The following ANKH variants were observed in gnomAD, a reference collection of about 807,000 sequenced individuals.
ANKH encodes the protein ANKH inorganic pyrophosphate transport regulator, also known as mineralization regulator ANKH.
ANKH carries 15 observed loss-of-function variants against 49.0 expected under a neutral mutation model. That is an observed-to-expected ratio of 0.31 (90% confidence interval 0.20 to 0.47). The LOEUF (loss-of-function observed/expected upper bound fraction) is 0.47. Ranked by LOEUF, ANKH falls within the 20% of genes least tolerant of loss-of-function variation. The pLI is 1.00. For synonymous variants in ANKH, 273 were observed against 260.0 expected (o/e 1.05, Z -0.48); for missense variants, 429 against 652.0 (o/e 0.66, Z 3.72).
chr5:14,832,938 G>C (rs537676098), intron 1 of ANKH, among the ~76,000 whole-genome samples: 1 of 152,298 alleles, frequency 6.6e-6, no homozygotes, highest in Admixed American at 6.5e-5. Context: ...CGACCTTCCC[G>C]TGGACAACTA....
intron 6 of ANKH, among the ~76,000 whole-genome samples, chr5:14,748,334 A>G (rs1484510286): frequency 6.6e-6 from 1 of 152,224 alleles, no homozygotes; most frequent in African/African-American, 2.4e-5. Context: ...GGACATGGAA[A>G]CTGGCAGGCA....
intron 5 of ANKH, 110 bp from the exon 6 acceptor site, chr5:14,749,416 A>G (rs1738642709): frequency 8.1e-7 from 1 of 1,230,930 alleles, no homozygotes; most frequent in Non-Finnish European, 1.2e-6. Flanking sequence ...CCAATTCACT[A>G]TACTTGAAAG....
intron 1 of ANKH, among the ~76,000 whole-genome samples, chr5:14,780,425 C>G (rs1033123590): frequency 2.0e-5 from 3 of 152,160 alleles, no homozygotes; most frequent in Non-Finnish European, 2.9e-5. Flanking sequence ...TGCCTGTAGT[C>G]CCAGCTACTT....
At position 14,713,021 on chromosome 5, in the gene ANKH, G is replaced by A. The variant is rs368085556; in HGVS notation, c.1266-48C>T. 146 of 1,563,562 alleles carry A rather than the reference G, an allele frequency of 9.3e-5. No homozygotes were observed. Among genetic ancestry groups the A allele is most frequent in the Non-Finnish European group, 1.2e-4 (136 of 1,144,974 alleles). On this transcript the variant is annotated intron_variant, in intron 10 of 11. Coordinates refer to ENST00000284268, the MANE Select transcript of ANKH (RefSeq NM_054027.6). This position sits in a 1 kb window ranked among gnomAD's most constrained non-coding sequence, Gnocchi z 4.4. ...AATTTGTCTGTTAAGGCCAAGTCAA[G>A]GCACAACCGTCGATGCCAAAACCCA...
intron 1 of ANKH, among the ~76,000 whole-genome samples, chr5:14,852,996 A>G (rs1316188119): frequency 6.6e-6 from 1 of 152,074 alleles, no homozygotes; most frequent in African/African-American, 2.4e-5. Flanking sequence ...GGGAGTGTGC[A>G]TCACTCATCT....
At chr5:14,858,389 A>G (rs1368055810) in intron 1 of ANKH, among the ~76,000 whole-genome samples, 2 of 152,208 alleles carry the variant, frequency 1.3e-5, no homozygotes, top group African/African-American at 2.4e-5. Flanking sequence ...TGCCTACGAT[A>G]AAAAGTAGGG....
At chr5:14,752,674 A>C (rs2126485591) in intron 4 of ANKH, among the ~76,000 whole-genome samples, 1 of 152,294 alleles carries the variant, frequency 6.6e-6, no homozygotes, top group South Asian at 2.1e-4. Flanking sequence ...AAGCTGAAAC[A>C]TGTAAAAACC....
intron 2 of ANKH, among the ~76,000 whole-genome samples, chr5:14,759,036 G>A (rs72734705): frequency 2.9e-4 from 44 of 152,268 alleles, no homozygotes; most frequent in Non-Finnish European, 5.6e-4. Flanking sequence ...AGAATGCTTG[G>A]TGGCTAGGTT....
At chr5:14,739,046 T>C (rs1001694775) in intron 8 of ANKH, among the ~76,000 whole-genome samples, 1 of 152,178 alleles carries the variant, frequency 6.6e-6, no homozygotes, top group South Asian at 2.1e-4. Flanking sequence ...CAGCAAAAGA[T>C]GTACAAGAAT....
At chr5:14,802,001 C>T (rs1044264043) in intron 1 of ANKH, among the ~76,000 whole-genome samples, 6 of 152,142 alleles carry the variant, frequency 3.9e-5, no homozygotes, top group African/African-American at 1.4e-4. Context: ...TTGCTGGCAG[C>T]TGTTTCCTCT....
intron 1 of ANKH, among the ~76,000 whole-genome samples, chr5:14,840,508 T>G (rs1741786242): frequency 6.6e-6 from 1 of 152,182 alleles, no homozygotes. Context: ...AGAATCTGGA[T>G]TTTACCATAT....
intron 7 of ANKH, among the ~76,000 whole-genome samples, chr5:14,744,524 C>T (rs1185940778): frequency 6.6e-6 from 1 of 152,044 alleles, no homozygotes; most frequent in Admixed American, 6.6e-5. Flanking sequence ...GGAAGAATAC[C>T]CTGATGGGGA....
intron 1 of ANKH, among the ~76,000 whole-genome samples, chr5:14,817,987 C>T (rs4702055): frequency 6.3e-5 from 9 of 142,908 alleles, no homozygotes. Flanking sequence ...CTGCTTGAAC[C>T]GGGGAGGTGG....
intron 1 of ANKH, among the ~76,000 whole-genome samples, chr5:14,867,192 A>T (rs541129687): frequency 6.6e-6 from 1 of 151,798 alleles, no homozygotes; most frequent in Non-Finnish European, 1.5e-5. Context: ...AATATACGAC[A>T]GCTAAGATTA....
chr5:14,864,216 C>T (rs1735580156), intron 1 of ANKH, among the ~76,000 whole-genome samples: 1 of 152,018 alleles, frequency 6.6e-6, no homozygotes, highest in Admixed American at 6.6e-5. Context: ...TGTCTCAAAA[C>T]AAAACAAAAT....
chr5:14,858,053 C>T (rs1270375870), intron 1 of ANKH, among the ~76,000 whole-genome samples: 1 of 152,184 alleles, frequency 6.6e-6, no homozygotes, highest in African/African-American at 2.4e-5. Context: ...ACATTAACTA[C>T]AGATAATTGG....
chr5:14,840,149 C>T (rs761209559), intron 1 of ANKH, among the ~76,000 whole-genome samples: 24 of 152,222 alleles, frequency 1.6e-4, no homozygotes, highest in African/African-American at 4.1e-4. Flanking sequence ...ATCCTTACCA[C>T]GCCTCTCTGA....
intron 1 of ANKH, among the ~76,000 whole-genome samples, chr5:14,789,163 G>A (rs1740076521): frequency 6.6e-6 from 1 of 152,104 alleles, no homozygotes; most frequent in Admixed American, 6.6e-5. Flanking sequence ...TGGAGGCAGA[G>A]GTTATAATGA....
intron 7 of ANKH, among the ~76,000 whole-genome samples, chr5:14,742,594 C>T (rs757433046): frequency 3.9e-5 from 6 of 152,218 alleles, no homozygotes; most frequent in Non-Finnish European, 7.3e-5. Context: ...AGCTGGGCCC[C>T]ACCTCCTGTA....
Sources: allele counts gnomAD v4.1 joint callset (sites outside exome capture counted in the v4.1 genomes callset), GRCh38; gene constraint gnomAD v4.1.1; non-coding constraint Gnocchi (gnomAD v3.1); transcripts MANE v1.5; gene names NCBI Gene and HGNC (gene_info 2026-07-23, HGNC 2026-07-21).